Variants in HTR2C observed in about 807,000 individuals in gnomAD.
HTR2C encodes the protein 5-hydroxytryptamine (serotonin) receptor 2C, G protein-coupled.
In HTR2C, 5 loss-of-function variants were observed where a neutral mutation model predicts 21.0. The ratio of observed to expected loss-of-function variants is 0.24; its 90% CI spans 0.12 to 0.50. The LOEUF is 0.50. Ranked by LOEUF, HTR2C falls within the 20% of genes least tolerant of loss-of-function variation. The pLI is 0.98. For synonymous variants in HTR2C, 150 were observed against 145.3 expected, an observed-to-expected ratio of 1.03 and a Z score of -0.23; for missense variants, 271 against 371.2, an observed-to-expected ratio of 0.73 and a Z score of 2.22.
intron 2 of HTR2C, among the ~76,000 whole-genome samples, chrX:114,724,841 G>T (rs868906755): frequency 6.9e-5 from 7 of 101,958 alleles, no homozygotes; most frequent in Admixed American, 4.5e-4. Context: ...TTGAATATTG[G>T]TCCCCATTCT....
At chrX:114,794,058 G>A (rs1221756987) in intron 4 of HTR2C, among the ~76,000 whole-genome samples, 3 of 111,239 alleles carry the variant, frequency 2.7e-5, no homozygotes, top group Non-Finnish European at 5.7e-5. Context: ...TTTAGTATTT[G>A]ATTAGTGTTT....
chrX:114,719,353 TATCCAAG>T (rs1933110924), intron 2 of HTR2C, among the ~76,000 whole-genome samples: 1 of 111,430 alleles, frequency 9.0e-6, no homozygotes, highest in South Asian at 3.6e-4. Flanking sequence ...TGATTGATCT[TATCCAAG>T]ACAAGAAGTT....
At chrX:114,767,768 A>G (rs2069960760) in intron 4 of HTR2C, among the ~76,000 whole-genome samples, 2 of 108,581 alleles carry the variant, frequency 1.8e-5, no homozygotes, top group African/African-American at 6.6e-5. Context: ...TATATAATGA[A>G]AAGTAAATTC....
chrX:114,742,727 A>ATT lies in HTR2C; in HGVS notation c.349+11133_349+11134dup, dbSNP rs1199987469. 1.1e-3 allele frequency among the ~76,000 whole-genome samples: 75 copies of ATT among 71,332 alleles called. 1 individual carries two copies. The highest frequency in any genetic ancestry group is 2.3e-3 in the Admixed American group (12 of 5,235). 61.9% of individuals were successfully genotyped at this position (71,332 alleles called of 115,157 possible). ...GCAGCTACTGTTTTTTTTTTTTTTA[A>ATT]TTTTTTTTTTTTTTATTATACTCTA... On this transcript the variant is annotated intron_variant, in intron 4 of 5. Transcript: ENST00000276198.
intron 4 of HTR2C, among the ~76,000 whole-genome samples, chrX:114,749,473 A>G (rs1556427276): frequency 5.7e-5 from 6 of 106,025 alleles, no homozygotes; most frequent in African/African-American, 1.4e-4. Context: ...AAAAAAAAAA[A>G]AAAGAAAAAA....
chrX:114,886,012 A>G (rs1556481331), intron 5 of HTR2C, among the ~76,000 whole-genome samples: 1 of 110,938 alleles, frequency 9.0e-6, no homozygotes, highest in Non-Finnish European at 1.9e-5. Flanking sequence ...TTCCATTTTC[A>G]CTTCATGCAT....
chrX:114,720,428 T>C (rs1367947004), intron 2 of HTR2C, among the ~76,000 whole-genome samples: 1 of 110,854 alleles, frequency 9.0e-6, no homozygotes, highest in African/African-American at 3.3e-5. Context: ...TTCTTCTGGT[T>C]AAATTTTACT....
chrX:114,774,972 C>T, intron 4 of HTR2C: 1 of 508,895 alleles, frequency 2.0e-6, no homozygotes, highest in Non-Finnish European at 3.6e-6. Context: ...AGACTTTCTC[C>T]AGCTCTGTCT....
At chrX:114,817,302 A>T (rs1556454859) in intron 4 of HTR2C, among the ~76,000 whole-genome samples, 1 of 111,662 alleles carries the variant, frequency 9.0e-6, no homozygotes, top group South Asian at 3.7e-4. Context: ...ATATGCTTTC[A>T]TTGTACAGAA....
chrX:114,713,566 T>C (rs1932926974), intron 2 of HTR2C, among the ~76,000 whole-genome samples: 3 of 111,469 alleles, frequency 2.7e-5, no homozygotes, highest in Non-Finnish European at 1.9e-5. Flanking sequence ...ATTCTATATA[T>C]AGAATCTTTC....
chrX:114,701,553 C>A (rs1215158354), intron 2 of HTR2C, among the ~76,000 whole-genome samples: 1 of 111,182 alleles, frequency 9.0e-6, no homozygotes, highest in African/African-American at 3.3e-5. Context: ...ACACCAAAAA[C>A]CCATCTGTAC....
chrX:114,875,638 C>T (rs999328185), intron 5 of HTR2C, among the ~76,000 whole-genome samples: 18 of 110,776 alleles, frequency 1.6e-4, no homozygotes, highest in African/African-American at 5.2e-4. Context: ...TTCCCACCAC[C>T]GTTTATTGAA....
intron 5 of HTR2C, among the ~76,000 whole-genome samples, chrX:114,889,289 T>C (rs1296409697): frequency 8.9e-6 from 1 of 111,883 alleles, no homozygotes; most frequent in Non-Finnish European, 1.9e-5. Flanking sequence ...AATCTCTCAG[T>C]TGTTGCTAAG....
intron 4 of HTR2C, 67 bp downstream of exon 4, chrX:114,731,674 C>A: frequency 1.3e-6 from 1 of 795,744 alleles, no homozygotes; most frequent in Non-Finnish European, 1.8e-6. Context: ...AGTAAACACT[C>A]ATAAAGTTAA....
intron 2 of HTR2C, among the ~76,000 whole-genome samples, chrX:114,648,991 T>C (rs1556408038): frequency 8.9e-6 from 1 of 111,788 alleles, no homozygotes; most frequent in East Asian, 2.8e-4. Context: ...ACTTTTGTGA[T>C]AATTTATTGA....
chrX:114,640,861 G>A (rs1026341515), intron 2 of HTR2C, among the ~76,000 whole-genome samples: 3 of 108,782 alleles, frequency 2.8e-5, no homozygotes, highest in East Asian at 2.9e-4. Flanking sequence ...TCCTTGTTTC[G>A]TTCTCTTTCT....
chrX:114,724,340 C>T (rs1483877738), intron 2 of HTR2C, among the ~76,000 whole-genome samples: 1 of 101,990 alleles, frequency 9.8e-6, no homozygotes, highest in Non-Finnish European at 2.0e-5. Flanking sequence ...GATTGCAACC[C>T]CTGCCTTTTT....
intron 2 of HTR2C, among the ~76,000 whole-genome samples, chrX:114,693,824 A>G (rs1300613978): frequency 8.9e-6 from 1 of 112,030 alleles, no homozygotes; most frequent in Admixed American, 9.5e-5. Context: ...CGTCATGGGA[A>G]GAACAGGGAT....
chrX:114,829,960 C>A (rs2070707078), intron 4 of HTR2C, among the ~76,000 whole-genome samples: 1 of 111,156 alleles, frequency 9.0e-6, no homozygotes, highest in Non-Finnish European at 1.9e-5. Context: ...TATTCGAGAT[C>A]CCTTAAGATT....
Sources: allele counts gnomAD v4.1 joint callset (sites outside exome capture counted in the v4.1 genomes callset), GRCh38; gene constraint gnomAD v4.1.1; transcripts MANE v1.5; gene names NCBI Gene and HGNC (gene_info 2026-07-23, HGNC 2026-07-21).